The following RALYL variants were observed in gnomAD, a reference collection of about 807,000 sequenced individuals.
RALYL encodes RALY RNA binding protein like.
A neutral mutation model predicts 35.1 loss-of-function variants in RALYL; 29 were observed. That is an observed-to-expected ratio of 0.83 (90% CI 0.61 to 1.13). The LOEUF is 1.13. Ranked by LOEUF, RALYL falls within the 50% of genes most tolerant of loss-of-function variation. RALYL has a pLI of 0.00. For missense variants in RALYL, 359 were observed against 360.4 expected, an observed-to-expected ratio of 1.00 and a Z score of 0.03; for synonymous variants, 120 against 127.6, an observed-to-expected ratio of 0.94 and a Z score of 0.40.
At chr8:84,536,970 A>G (rs967584017) in intron 2 of RALYL, among the ~76,000 whole-genome samples, 1 of 151,926 alleles carries the variant, frequency 6.6e-6, no homozygotes, top group Admixed American at 6.6e-5. Flanking sequence ...TAAACGTTCA[A>G]CTCATTCCTA....
intron 2 of RALYL, among the ~76,000 whole-genome samples, chr8:84,624,013 G>C (rs1026086587): frequency 6.6e-6 from 1 of 152,166 alleles, no homozygotes; most frequent in Non-Finnish European, 1.5e-5. Context: ...GAATAAACAA[G>C]TCTTGACAGA....
chr8:84,389,160 C>T (rs1347093598), intron 1 of RALYL, among the ~76,000 whole-genome samples: 16 of 151,846 alleles, frequency 1.1e-4, no homozygotes, highest in South Asian at 6.2e-4. Flanking sequence ...TGTAGATATA[C>T]GGCGTTATTT....
intron 1 of RALYL, among the ~76,000 whole-genome samples, chr8:84,510,544 C>T (rs1163371701): frequency 3.3e-5 from 5 of 152,168 alleles, no homozygotes; most frequent in South Asian, 2.1e-4. Flanking sequence ...GGCACGGTGG[C>T]TCACGCATGT....
chr8:84,531,097 A>T (rs1441162727), intron 2 of RALYL, among the ~76,000 whole-genome samples: 1 of 152,178 alleles, frequency 6.6e-6, no homozygotes, highest in Non-Finnish European at 1.5e-5. Context: ...TTTTTTTCAT[A>T]GCACCTATCA....
intron 2 of RALYL, among the ~76,000 whole-genome samples, chr8:84,646,333 A>T (rs1262955636): frequency 6.6e-6 from 1 of 151,664 alleles, no homozygotes; most frequent in Non-Finnish European, 1.5e-5. Context: ...TCTTGGGTTC[A>T]ATTGATTCTC....
intron 2 of RALYL, among the ~76,000 whole-genome samples, chr8:84,628,624 T>C (rs1412603549): frequency 2.0e-5 from 3 of 151,950 alleles, no homozygotes; most frequent in African/African-American, 7.3e-5. Flanking sequence ...GTAAGTAAAA[T>C]CATAACATTT....
At chr8:84,613,297 TTAAAGAAA>T (rs1200001229) in intron 2 of RALYL, among the ~76,000 whole-genome samples, 1 of 151,532 alleles carries the variant, frequency 6.6e-6, no homozygotes, top group Non-Finnish European at 1.5e-5. Flanking sequence ...AAATATATAC[TTAAAGAAA>T]TAAACACCCT....
intron 1 of RALYL, among the ~76,000 whole-genome samples, chr8:84,394,313 A>T (rs1041302829): frequency 2.0e-5 from 3 of 152,120 alleles, no homozygotes; most frequent in Admixed American, 2.0e-4. Flanking sequence ...AACAATTTTA[A>T]GTAGTTTTTA....
Position 84,360,967 on chromosome 8 carries a change from A to G in RALYL, c.-23-168332A>G, listed in dbSNP as rs957583691. On this transcript the variant is annotated intron_variant, in intron 1 of 8. Transcript: ENST00000521268. ...AACTTTTCAAATGCAGTAAAGAAAA[A>G]AAAAAAAAAAGAAAAATAAGAAATG... is the stretch of plus-strand genomic sequence containing the variant. 1.8e-3 allele frequency among the ~76,000 whole-genome samples: 276 copies of G among 151,962 alleles called. 1 individual carries two copies. The highest frequency in any genetic ancestry group is 6.4e-3 in the African/African-American group (266 of 41,490).
chr8:84,469,881 G>T (rs555359634), intron 1 of RALYL, among the ~76,000 whole-genome samples: 5 of 152,140 alleles, frequency 3.3e-5, no homozygotes, highest in Non-Finnish European at 7.4e-5. Flanking sequence ...CGCAGTATTC[G>T]GGTGGGAGTG....
intron 1 of RALYL, among the ~76,000 whole-genome samples, chr8:84,203,727 T>A (rs1041048504): frequency 2.8e-4 from 43 of 152,166 alleles, no homozygotes; most frequent in Non-Finnish European, 5.3e-4. Flanking sequence ...ACACTGCATT[T>A]ACACAGTTTT....
At chr8:84,213,475 G>T (rs1292647601) in intron 1 of RALYL, among the ~76,000 whole-genome samples, 1 of 152,048 alleles carries the variant, frequency 6.6e-6, no homozygotes, top group African/African-American at 2.4e-5. Context: ...AATAGTAAAA[G>T]TTTGTTTTAT....
chr8:84,357,382 A>G (rs1476185980), intron 1 of RALYL, among the ~76,000 whole-genome samples: 1 of 152,028 alleles, frequency 6.6e-6, no homozygotes, highest in Non-Finnish European at 1.5e-5. Context: ...GCTGTTACAG[A>G]CATTCATTAC....
At chr8:84,430,553 C>T (rs1194853809) in intron 1 of RALYL, among the ~76,000 whole-genome samples, 1 of 151,924 alleles carries the variant, frequency 6.6e-6, no homozygotes, top group East Asian at 1.9e-4. Flanking sequence ...CAATAAGAAC[C>T]ACTGGGAGGA....
intron 2 of RALYL, among the ~76,000 whole-genome samples, chr8:84,581,223 C>A (rs1810752842): frequency 6.6e-6 from 1 of 152,134 alleles, no homozygotes; most frequent in South Asian, 2.1e-4. Context: ...TCATTAAGTT[C>A]AGTTGTTATT....
intron 1 of RALYL, among the ~76,000 whole-genome samples, chr8:84,223,287 T>G (rs1214098985): frequency 2.0e-5 from 3 of 150,372 alleles, no homozygotes; most frequent in Non-Finnish European, 4.4e-5. Context: ...TAGAATTTAA[T>G]ATTGAATGCT....
chr8:84,526,480 A>C (rs2058908770), intron 1 of RALYL, among the ~76,000 whole-genome samples: 1 of 152,170 alleles, frequency 6.6e-6, no homozygotes, highest in Non-Finnish European at 1.5e-5. Context: ...TGCTGGTAGG[A>C]ACTTGAATGA....
chr8:84,887,647 A>T lies in RALYL; in HGVS notation c.729A>T (p.Gln243His). The change falls in exon 8 of 9, where the codon CAA (glutamine) becomes CAT (histidine). Residue 243 changes from glutamine (Q) to histidine (H), a missense_variant. Physicochemically the swap from Gln to His is conservative, Grantham distance 24 (BLOSUM62 0). Coordinates refer to ENST00000521268, the MANE Select transcript of RALYL (RefSeq NM_173848.7). ...KQLEESLVLI[Q>H]EECVSEIADH... is the part of the protein sequence containing the mutation. ...TGGAAGAGAGTCTAGTGCTGATCCA[A>T]GAGGAATGTGTGTCAGAGATTGCAG... is the stretch of plus-strand genomic sequence containing the variant. 1 of 1,613,474 alleles carries T rather than the reference A, an allele frequency of 6.2e-7. No homozygotes were observed. The highest frequency in any genetic ancestry group is 8.5e-7 in the Non-Finnish European group (1 of 1,179,640).
chr8:84,500,619 A>C (rs1235410533), intron 1 of RALYL, among the ~76,000 whole-genome samples: 1 of 152,174 alleles, frequency 6.6e-6, no homozygotes, highest in Non-Finnish European at 1.5e-5. Context: ...AAAAAACTGC[A>C]TTCTGAGGAG....
Sources: gnomAD v4.1 joint callset for allele counts (sites outside exome capture counted in the v4.1 genomes callset) on GRCh38, gnomAD v4.1.1 for gene constraint, MANE v1.5 for transcripts, NCBI Gene and HGNC (gene_info 2026-07-23, HGNC 2026-07-21) for gene names.